The following MDGA2 variants were observed in gnomAD, a reference collection of about 807,000 sequenced individuals.
MDGA2 encodes MAM domain-containing glycosylphosphatidylinositol anchor protein 2.
A neutral mutation model predicts 117.8 loss-of-function variants in MDGA2; 40 were observed. The observed-to-expected ratio is 0.34, with a 90% CI of 0.26 to 0.44. The LOEUF is 0.44. Among genes scored for constraint, MDGA2 ranks in the 20% least tolerant of loss-of-function variants. The probability of loss-of-function intolerance (pLI) is 1.00; values close to 1 mark genes in which losing one functional copy is unlikely to be tolerated. For missense variants in MDGA2, 1,123 were observed against 1,250.6 expected (o/e 0.90, Z 1.54); for synonymous variants, 452 against 439.0 (o/e 1.03, Z -0.37).
At chr14:47,627,000 T>A (rs1279854760) in intron 1 of MDGA2, among the ~76,000 whole-genome samples, 1 of 152,250 alleles carries the variant, frequency 6.6e-6, no homozygotes, top group Non-Finnish European at 1.5e-5. Flanking sequence ...AATCTTTGTG[T>A]CTAGCTAAGG....
intron 7 of MDGA2, among the ~76,000 whole-genome samples, chr14:47,039,713 A>G (rs370288734): frequency 4.1e-4 from 63 of 152,204 alleles, no homozygotes; most frequent in African/African-American, 1.3e-3. Flanking sequence ...AATATGACAC[A>G]GTCTTTTTAA....
chr14:47,629,525 T>C (rs374783541), intron 1 of MDGA2, among the ~76,000 whole-genome samples: 1 of 152,190 alleles, frequency 6.6e-6, no homozygotes, highest in Non-Finnish European at 1.5e-5. Flanking sequence ...AGATCTTCCA[T>C]ATAAAGGCAT....
chr14:47,380,851 A>C (rs1205323161), intron 1 of MDGA2, among the ~76,000 whole-genome samples: 3 of 151,986 alleles, frequency 2.0e-5, no homozygotes, highest in Non-Finnish European at 4.4e-5. Context: ...ATCCTCCCTA[A>C]CTCATTTTAT....
At position 47,116,723 on chromosome 14, in the gene MDGA2, T is replaced by A. The variant is rs537386687; in HGVS notation, c.925+14991A>T. On this transcript the variant is annotated intron_variant, in intron 5 of 16. Coordinates refer to ENST00000399232, the MANE Select transcript of MDGA2 (RefSeq NM_001113498.3). Reference sequence around the variant, plus strand: ...TCCATGTGCAAAGAAAAAAATTAAATCTGATCCCTAACTTACACAATACAC... The same window carrying A: ...TCCATGTGCAAAGAAAAAAATTAAAACTGATCCCTAACTTACACAATACAC... Among the ~76,000 whole-genome samples the A allele has an allele frequency of 5.3e-4, 80 of 152,124 alleles. No homozygotes were observed. The Middle Eastern group carries it at 0.02, about 39-fold the overall frequency.
chr14:46,894,478 A>G (rs1321060806), intron 10 of MDGA2, among the ~76,000 whole-genome samples: 10 of 152,152 alleles, frequency 6.6e-5, no homozygotes. Context: ...GCAAGGGGCA[A>G]CAGAGGAAGA....
intron 3 of MDGA2, among the ~76,000 whole-genome samples, chr14:47,166,849 G>C: frequency 6.6e-6 from 1 of 152,288 alleles, no homozygotes; most frequent in South Asian, 2.1e-4. Flanking sequence ...ACCTTCCACT[G>C]ATTACCAAAT....
intron 1 of MDGA2, among the ~76,000 whole-genome samples, chr14:47,538,363 A>G (rs1895266672): frequency 6.6e-6 from 1 of 152,200 alleles, no homozygotes; most frequent in Admixed American, 6.5e-5. Flanking sequence ...CATGAGTGTT[A>G]AGTAAGCATC....
At chr14:47,303,700 C>A (rs1889354023) in intron 1 of MDGA2, among the ~76,000 whole-genome samples, 1 of 152,026 alleles carries the variant, frequency 6.6e-6, no homozygotes, top group Non-Finnish European at 1.5e-5. Flanking sequence ...AAATACAGAT[C>A]TATTATCTTA....
At chr14:46,861,644 A>G (rs1881511871) in intron 14 of MDGA2, among the ~76,000 whole-genome samples, 1 of 151,958 alleles carries the variant, frequency 6.6e-6, no homozygotes, top group Admixed American at 6.6e-5. Context: ...CACAAGAACT[A>G]CAACTGATTG....
intron 1 of MDGA2, among the ~76,000 whole-genome samples, chr14:47,426,696 A>C (rs1206189291): frequency 8.2e-6 from 1 of 121,580 alleles, no homozygotes; most frequent in Non-Finnish European, 1.7e-5. Flanking sequence ...TATATATATC[A>C]TTTATATATA....
intron 2 of MDGA2, among the ~76,000 whole-genome samples, chr14:47,279,938 A>G: frequency 6.6e-6 from 1 of 152,066 alleles, no homozygotes; most frequent in Non-Finnish European, 1.5e-5. Context: ...TGGCACAATC[A>G]TAGCTCTCTA....
chr14:47,217,342 A>G (rs183742814), intron 3 of MDGA2, among the ~76,000 whole-genome samples: 2 of 152,256 alleles, frequency 1.3e-5, no homozygotes, highest in Admixed American at 1.3e-4. Context: ...ACCAAATTAA[A>G]TGTAGGCCCT....
intron 1 of MDGA2, among the ~76,000 whole-genome samples, chr14:47,374,332 T>C (rs1406074405): frequency 9.2e-5 from 14 of 152,096 alleles, no homozygotes; most frequent in Non-Finnish European, 2.1e-4. Context: ...AATGCTTACA[T>C]ATTGTGAGAT....
chr14:47,162,885 A>C (rs775867108), intron 3 of MDGA2, among the ~76,000 whole-genome samples: 1 of 152,204 alleles, frequency 6.6e-6, no homozygotes, highest in Non-Finnish European at 1.5e-5. Flanking sequence ...AGTATCACCA[A>C]ATCTAGCACG....
intron 1 of MDGA2, among the ~76,000 whole-genome samples, chr14:47,673,861 A>C (rs1898121673): frequency 1.3e-5 from 2 of 152,020 alleles, no homozygotes; most frequent in African/African-American, 4.8e-5. Context: ...CCTGGAACCC[A>C]GACGCGCGGA....
intron 1 of MDGA2, among the ~76,000 whole-genome samples, chr14:47,409,534 T>C (rs577318548): frequency 1.3e-5 from 2 of 152,276 alleles, no homozygotes; most frequent in South Asian, 4.1e-4. Flanking sequence ...AGCAACTGTG[T>C]ATTTTCAGGT....
chr14:47,669,197 C>A (rs117111868), intron 1 of MDGA2, among the ~76,000 whole-genome samples: 4 of 152,008 alleles, frequency 2.6e-5, no homozygotes, highest in African/African-American at 9.7e-5. Context: ...TAAGGTGTTT[C>A]ACAACTATAA....
At chr14:47,412,969 T>C (rs1050976943) in intron 1 of MDGA2, among the ~76,000 whole-genome samples, 1 of 152,226 alleles carries the variant, frequency 6.6e-6, no homozygotes, top group African/African-American at 2.4e-5. Context: ...TAATGTGCTT[T>C]TGAAAACTAT....
At chr14:47,368,742 T>C (rs1891283463) in intron 1 of MDGA2, among the ~76,000 whole-genome samples, 1 of 151,964 alleles carries the variant, frequency 6.6e-6, no homozygotes, top group African/African-American at 2.4e-5. Flanking sequence ...TGTAAAACTT[T>C]GAGTTCAGAA....
Sources: allele counts gnomAD v4.1 joint callset (sites outside exome capture counted in the v4.1 genomes callset), GRCh38; gene constraint gnomAD v4.1.1; transcripts MANE v1.5; gene names NCBI Gene and HGNC (gene_info 2026-07-23, HGNC 2026-07-21).